Variants in AFG1L observed in about 807,000 individuals in gnomAD.
AFG1L encodes the protein AFG1 like ATPase.
In AFG1L, 53 loss-of-function variants were observed where a neutral mutation model predicts 62.2. That is an observed-to-expected ratio of 0.85 (90% CI 0.68 to 1.07). AFG1L has a LOEUF of 1.07. Among genes scored for constraint, AFG1L ranks in the 50% least tolerant of loss-of-function variants. The probability of loss-of-function intolerance (pLI) is 0.00; values close to 1 mark genes in which losing one functional copy is unlikely to be tolerated. For missense variants in AFG1L, 555 were observed against 590.5 expected (o/e 0.94, Z 0.62); for synonymous variants, 228 against 210.3 (o/e 1.08, Z -0.73).
At chr6:108,337,734 T>C (rs1230424356) in intron 2 of AFG1L, among the ~76,000 whole-genome samples, 2 of 152,204 alleles carry the variant, frequency 1.3e-5, no homozygotes, top group South Asian at 4.1e-4. Context: ...TCATATATTA[T>C]GGGTAGTAAC....
chr6:108,341,448 C>T (rs895212355), intron 2 of AFG1L, among the ~76,000 whole-genome samples: 1 of 152,114 alleles, frequency 6.6e-6, no homozygotes, highest in African/African-American at 2.4e-5. Context: ...TTGGTAAGCA[C>T]ATTATGTTTG....
At chr6:108,486,480 A>ATT (rs1381162122) in intron 10 of AFG1L, among the ~76,000 whole-genome samples, 1 of 152,126 alleles carries the variant, frequency 6.6e-6, no homozygotes, top group Non-Finnish European at 1.5e-5. Context: ...AGAATATGCT[A>ATT]TTTTTGTTTT....
intron 10 of AFG1L, among the ~76,000 whole-genome samples, chr6:108,499,553 G>A (rs1482585698): frequency 1.4e-5 from 2 of 140,208 alleles, no homozygotes; most frequent in Non-Finnish European, 3.0e-5. Flanking sequence ...AGCCTTGGCA[G>A]CATAGCAAGA....
At chr6:108,519,612 C>T (rs1157977307) in intron 11 of AFG1L, 85 bp from the exon 12 acceptor site, 6 of 740,188 alleles carry the variant, frequency 8.1e-6, no homozygotes, top group Non-Finnish European at 1.4e-5. Flanking sequence ...ATGTGAAAAA[C>T]AGACTTTTAT....
intron 1 of AFG1L, among the ~76,000 whole-genome samples, chr6:108,313,895 T>TA (rs1000320819): frequency 6.6e-6 from 1 of 151,890 alleles, no homozygotes; most frequent in Non-Finnish European, 1.5e-5. Flanking sequence ...TACTTCCACA[T>TA]AAAAAAATAC....
chr6:108,398,466 C>T (rs1363586482), intron 6 of AFG1L, among the ~76,000 whole-genome samples: 2 of 152,078 alleles, frequency 1.3e-5, no homozygotes, highest in Non-Finnish European at 2.9e-5. Flanking sequence ...CTGATGTGAT[C>T]CCATTTGTTC....
At chr6:108,454,694 C>G (rs1772183924) in intron 8 of AFG1L, among the ~76,000 whole-genome samples, 2 of 152,104 alleles carry the variant, frequency 1.3e-5, no homozygotes, top group African/African-American at 4.8e-5. Flanking sequence ...ACTCTGTTGC[C>G]CAGACTGGAA....
chr6:108,387,799 A>G (rs557194430), intron 6 of AFG1L: 1 of 152,346 alleles, frequency 6.6e-6, no homozygotes, highest in Non-Finnish European at 1.5e-5. Flanking sequence ...TATTATCACA[A>G]AGGAGAAGTC....
chr6:108,517,255 C>A (rs1774935430), intron 11 of AFG1L, among the ~76,000 whole-genome samples: 1 of 152,188 alleles, frequency 6.6e-6, no homozygotes, highest in Non-Finnish European at 1.5e-5. Flanking sequence ...TCAAACTATA[C>A]TACAAGGCTG....
chr6:108,398,700 G>A (rs1335745497), intron 6 of AFG1L, among the ~76,000 whole-genome samples: 2 of 152,094 alleles, frequency 1.3e-5, no homozygotes, highest in African/African-American at 4.8e-5. Flanking sequence ...GTTTAATGAA[G>A]AGATGGTCTT....
At chr6:108,518,139 C>T (rs984372540) in intron 11 of AFG1L, among the ~76,000 whole-genome samples, 1 of 152,196 alleles carries the variant, frequency 6.6e-6, no homozygotes, top group African/African-American at 2.4e-5. Context: ...TTGACCCAGG[C>T]ATCCCATTAC....
chr6:108,426,585 A>G (rs1562153979), intron 7 of AFG1L, among the ~76,000 whole-genome samples: 1 of 152,180 alleles, frequency 6.6e-6, no homozygotes, highest in Non-Finnish European at 1.5e-5. Flanking sequence ...AGAATGGAAT[A>G]TTAATTAAAA....
intron 1 of AFG1L, 90 bp downstream of exon 1, chr6:108,295,308 T>A: frequency 7.0e-7 from 1 of 1,436,220 alleles, no homozygotes; most frequent in Non-Finnish European, 9.3e-7. Context: ...CTACCCCAGG[T>A]GTCTCCTGCT....
intron 6 of AFG1L, 43 bp from the exon 7 acceptor site, chr6:108,401,953 G>T (rs377349226): frequency 1.2e-6 from 1 of 867,134 alleles, no homozygotes; most frequent in Middle Eastern, 2.2e-4. Flanking sequence ...TTAACATCAT[G>T]ATTTAGGCTA....
intron 11 of AFG1L, among the ~76,000 whole-genome samples, chr6:108,514,034 A>G (rs192186383): frequency 3.3e-5 from 5 of 152,364 alleles, no homozygotes; most frequent in African/African-American, 1.2e-4. Flanking sequence ...AAACTCCAAC[A>G]GACCTGCAGC....
intron 8 of AFG1L, among the ~76,000 whole-genome samples, chr6:108,462,646 T>C (rs150705815): frequency 0.01 from 1,571 of 152,276 alleles, 33 homozygotes; most frequent in Middle Eastern, 0.054. Context: ...CTCCTATTCC[T>C]TTATTGAATA....
intron 8 of AFG1L, among the ~76,000 whole-genome samples, chr6:108,461,954 A>T (rs1468028541): frequency 1.3e-5 from 2 of 151,450 alleles, no homozygotes; most frequent in Non-Finnish European, 2.9e-5. Context: ...AATTAGCCAG[A>T]TGTGGTGGCA....
At chr6:108,521,107 CT>C (rs891717287) in intron 12 of AFG1L, 73 of 152,336 alleles carry the variant, frequency 4.8e-4, no homozygotes, top group African/African-American at 1.6e-3. Context: ...CCCCCTGCCC[CT>C]GGTCCATGGA....
At chr6:108,519,967 A>C (rs1051761305) in intron 12 of AFG1L, 157 bp downstream of exon 12, 1 of 479,568 alleles carries the variant, frequency 2.1e-6, no homozygotes, top group Non-Finnish European at 3.7e-6. Flanking sequence ...CATTCTCAAT[A>C]TCACTGAATA....
Sources: gnomAD v4.1 joint callset for allele counts (sites outside exome capture counted in the v4.1 genomes callset) on GRCh38, gnomAD v4.1.1 for gene constraint, MANE v1.5 for transcripts, NCBI Gene and HGNC (gene_info 2026-07-23, HGNC 2026-07-21) for gene names.